Variants in LRRTM4 observed in about 807,000 individuals in gnomAD.
LRRTM4 encodes the protein leucine rich repeat transmembrane neuronal 4.
A neutral mutation model predicts 47.6 loss-of-function variants in LRRTM4; 25 were observed. The ratio of observed to expected loss-of-function variants is 0.53; its 90% confidence interval spans 0.38 to 0.73. The LOEUF is 0.73. LRRTM4 is among the 30% of genes least tolerant of loss of function. The pLI, the probability that LRRTM4 is intolerant of heterozygous loss-of-function variation, is 0.00. For missense variants in LRRTM4, 638 were observed against 713.4 expected (o/e 0.89, Z 1.20); for synonymous variants, 311 against 269.5 (o/e 1.15, Z -1.51).
chr2:76,974,139 T>TATATATAC lies in LRRTM4; in HGVS notation c.1552-225224_1552-225223insGTATATAT, dbSNP rs1460673453. 3.1e-3 allele frequency among the ~76,000 whole-genome samples: 407 copies of TATATATAC among 133,222 alleles called. 13 individuals are homozygous for TATATATAC. Among genetic ancestry groups the TATATATAC allele is most frequent in the Middle Eastern group, 8.1e-3 (2 of 248 alleles). The allele number at this position is 133,222 out of a possible 152,430, so 87.4% of individuals were successfully genotyped here. On this transcript the variant is annotated intron_variant, in intron 3 of 3. Coordinates refer to ENST00000409884, the MANE Select transcript of LRRTM4 (RefSeq NM_001134745.3). ...TTATTAACACATTTGCTCATATATA[T>TATATATAC]ACATATATATACATACATATATATA...
At chr2:77,452,889 G>A (rs931669967) in intron 3 of LRRTM4, among the ~76,000 whole-genome samples, 1 of 152,136 alleles carries the variant, frequency 6.6e-6, no homozygotes, top group African/African-American at 2.4e-5. Context: ...TTTCTAAAGT[G>A]TTTATTCAGT....
chr2:76,962,722 TAGAC>T (rs573642402), intron 3 of LRRTM4, among the ~76,000 whole-genome samples: 64 of 150,832 alleles, frequency 4.2e-4, no homozygotes, highest in East Asian at 9.8e-4. Context: ...GTTTTAAAAA[TAGAC>T]AGAACATCTT....
intron 3 of LRRTM4, among the ~76,000 whole-genome samples, chr2:77,183,281 G>A (rs1673401890): frequency 6.6e-6 from 1 of 152,118 alleles, no homozygotes. Flanking sequence ...GATATGAACA[G>A]ACACTTCACA....
At chr2:76,824,593 G>C (rs1315039973) in intron 3 of LRRTM4, among the ~76,000 whole-genome samples, 3 of 148,078 alleles carry the variant, frequency 2.0e-5, no homozygotes, top group East Asian at 3.9e-4. Context: ...TAGAGGAAGA[G>C]AGAATCTCAT....
chr2:77,293,840 C>T (rs1250758042), intron 3 of LRRTM4, among the ~76,000 whole-genome samples: 2 of 152,076 alleles, frequency 1.3e-5, no homozygotes, highest in Non-Finnish European at 2.9e-5. Flanking sequence ...CATAATGAGA[C>T]CGTGATGTCA....
At chr2:77,435,034 C>G (rs890134725) in intron 3 of LRRTM4, among the ~76,000 whole-genome samples, 1 of 151,814 alleles carries the variant, frequency 6.6e-6, no homozygotes, top group Non-Finnish European at 1.5e-5. Flanking sequence ...ATTGTTTGTC[C>G]TATGCATTGT....
chr2:76,783,683 G>A (rs1317364936), intron 3 of LRRTM4, among the ~76,000 whole-genome samples: 2 of 152,110 alleles, frequency 1.3e-5, no homozygotes, highest in African/African-American at 4.8e-5. Flanking sequence ...GTAAAACTCA[G>A]GTTACTGAAT....
intron 3 of LRRTM4, among the ~76,000 whole-genome samples, chr2:77,513,558 C>T (rs1215424103): frequency 2.0e-5 from 3 of 148,940 alleles, no homozygotes; most frequent in African/African-American, 5.0e-5. Flanking sequence ...ATGTAAGATA[C>T]TTATAATTTA....
chr2:76,781,260 T>C (rs1371583242), intron 3 of LRRTM4, among the ~76,000 whole-genome samples: 7 of 152,250 alleles, frequency 4.6e-5, no homozygotes, highest in African/African-American at 1.7e-4. Flanking sequence ...GCAGGCCTCC[T>C]TGAGCTGTGG....
intron 3 of LRRTM4, among the ~76,000 whole-genome samples, chr2:77,370,597 G>T (rs1003378724): frequency 6.6e-6 from 1 of 151,656 alleles, no homozygotes; most frequent in Non-Finnish European, 1.5e-5. Flanking sequence ...AAATATGTCT[G>T]TGGATGACTA....
At chr2:77,221,927 T>A (rs992193900) in intron 3 of LRRTM4, among the ~76,000 whole-genome samples, 2 of 151,834 alleles carry the variant, frequency 1.3e-5, no homozygotes, top group African/African-American at 2.4e-5. Context: ...CACACCACAC[T>A]TATTCCAAAA....
At chr2:77,446,706 C>A (rs1204407584) in intron 3 of LRRTM4, among the ~76,000 whole-genome samples, 1 of 151,996 alleles carries the variant, frequency 6.6e-6, no homozygotes, top group African/African-American at 2.4e-5. Flanking sequence ...AACAAGACAG[C>A]ACTTTAAATA....
At chr2:77,085,635 G>A (rs1036588981) in intron 3 of LRRTM4, among the ~76,000 whole-genome samples, 1 of 151,854 alleles carries the variant, frequency 6.6e-6, no homozygotes, top group Admixed American at 6.6e-5. Flanking sequence ...ACCATTTTCC[G>A]CTTGACACAA....
intron 3 of LRRTM4, among the ~76,000 whole-genome samples, chr2:77,398,507 T>C (rs1325690767): frequency 6.6e-6 from 1 of 151,850 alleles, no homozygotes; most frequent in Non-Finnish European, 1.5e-5. Context: ...AAGAGTCATA[T>C]GTAGGTTTAG....
chr2:77,311,947 G>C (rs1302330555), intron 3 of LRRTM4, among the ~76,000 whole-genome samples: 1 of 152,060 alleles, frequency 6.6e-6, no homozygotes, highest in African/African-American at 2.4e-5. Flanking sequence ...ATGGACGCTG[G>C]TTTTGTTTCC....
chr2:76,936,644 T>C (rs890163798), intron 3 of LRRTM4, among the ~76,000 whole-genome samples: 20 of 149,446 alleles, frequency 1.3e-4, no homozygotes, highest in African/African-American at 4.6e-4. Flanking sequence ...CACTCTTTAC[T>C]GGCAAGTTTC....
chr2:77,262,286 CA>C (rs1329138523), intron 3 of LRRTM4, among the ~76,000 whole-genome samples: 1 of 151,958 alleles, frequency 6.6e-6, no homozygotes, highest in Non-Finnish European at 1.5e-5. Flanking sequence ...TGAAGCATCC[CA>C]AAACCATTCC....
intron 3 of LRRTM4, among the ~76,000 whole-genome samples, chr2:77,192,119 A>T (rs1673686272): frequency 6.6e-6 from 1 of 152,122 alleles, no homozygotes; most frequent in Non-Finnish European, 1.5e-5. Context: ...TAAATTTATA[A>T]TGCTGATTCT....
At chr2:76,807,461 TATATATATACATATATATATATATAC>T (rs1558667597) in intron 3 of LRRTM4, among the ~76,000 whole-genome samples, 1 of 100,580 alleles carries the variant, frequency 9.9e-6, no homozygotes, top group Non-Finnish European at 1.8e-5. Flanking sequence ...TATATATACA[TATATATATACATATATATATATATAC>T]ATATATATAT....
Sources: gnomAD v4.1 joint callset for allele counts (sites outside exome capture counted in the v4.1 genomes callset) on GRCh38, gnomAD v4.1.1 for gene constraint, MANE v1.5 for transcripts, NCBI Gene and HGNC (gene_info 2026-07-23, HGNC 2026-07-21) for gene names.